ZC3H12B: variants seen among roughly 807,000 people sequenced by gnomAD.
ZC3H12B encodes zinc finger CCCH-type containing 12B, also known as probable ribonuclease ZC3H12B.
Under a neutral mutation model 43.9 loss-of-function variants are expected in ZC3H12B, and 7 were observed. That is an observed-to-expected ratio of 0.16 (90% CI 0.09 to 0.30). The LOEUF (loss-of-function observed/expected upper bound fraction) is 0.30, where lower values mean the gene tolerates loss of function less well. Among genes scored for constraint, ZC3H12B ranks in the 10% least tolerant of loss-of-function variants. The pLI is 1.00. For synonymous variants in ZC3H12B, 222 were observed against 241.7 expected, an observed-to-expected ratio of 0.92 and a Z score of 0.76; for missense variants, 475 against 670.2, an observed-to-expected ratio of 0.71 and a Z score of 3.22.
chrX:65,259,763 C>G, the ZC3H12B span, among the ~76,000 whole-genome samples: 4 of 111,832 alleles, frequency 3.6e-5, no homozygotes, highest in Non-Finnish European at 7.5e-5. Flanking sequence ...GAAAAAGATG[C>G]TTGCACACAC....
the ZC3H12B span, among the ~76,000 whole-genome samples, chrX:65,102,592 A>G: frequency 8.9e-6 from 1 of 111,995 alleles, no homozygotes; most frequent in African/African-American, 3.2e-5. Context: ...TACACTAATA[A>G]TAGACAAACA....
At chrX:65,070,816 GTTTTTTT>G in the ZC3H12B span, among the ~76,000 whole-genome samples, 1 of 56,055 alleles carries the variant, frequency 1.8e-5, no homozygotes, top group Non-Finnish European at 3.4e-5. Context: ...TATGATTTCT[GTTTTTTT>G]TTTTTTTTTT....
chrX:65,409,056 G>T (rs1253813802), intron 3 of ZC3H12B, among the ~76,000 whole-genome samples: 1 of 111,729 alleles, frequency 9.0e-6, no homozygotes, highest in Non-Finnish European at 1.9e-5. Context: ...AATTGCATCT[G>T]TTACTACTTA....
At chrX:65,480,857 A>C (rs1017465175) in intron 3 of ZC3H12B, among the ~76,000 whole-genome samples, 1 of 110,824 alleles carries the variant, frequency 9.0e-6, no homozygotes, top group Non-Finnish European at 1.9e-5. Flanking sequence ...AAAAAAAAAA[A>C]AAAAGAGTAC....
the ZC3H12B span, among the ~76,000 whole-genome samples, chrX:65,265,020 G>A: frequency 1.8e-5 from 2 of 111,665 alleles, no homozygotes; most frequent in East Asian, 2.8e-4. Context: ...ACTAGAATTC[G>A]GGACTGCAGA....
At chrX:65,274,252 G>A in the ZC3H12B span, among the ~76,000 whole-genome samples, 4 of 111,891 alleles carry the variant, frequency 3.6e-5, no homozygotes, top group Non-Finnish European at 7.5e-5. Flanking sequence ...CAGAGTTGCT[G>A]AGAATTCATG....
At chrX:65,228,766 G>A in the ZC3H12B span, among the ~76,000 whole-genome samples, 4 of 111,660 alleles carry the variant, frequency 3.6e-5, no homozygotes, top group East Asian at 8.4e-4. Flanking sequence ...AAAATCATAA[G>A]TGAACTCCCA....
chrX:65,098,225 T>TACACACACACACAC, the ZC3H12B span, among the ~76,000 whole-genome samples: 15 of 96,191 alleles, frequency 1.6e-4, no homozygotes, highest in Middle Eastern at 5.5e-3. Context: ...CATGTCTTAG[T>TACACACACACACAC]ACACACACAC....
chrX:65,227,146 A>G, the ZC3H12B span, among the ~76,000 whole-genome samples: 4 of 111,738 alleles, frequency 3.6e-5, no homozygotes, highest in Non-Finnish European at 7.5e-5. Context: ...AGCTCTCCTC[A>G]GCAAATGTAA....
At chrX:65,279,453 A>G in the ZC3H12B span, among the ~76,000 whole-genome samples, 1 of 111,067 alleles carries the variant, frequency 9.0e-6, no homozygotes, top group Non-Finnish European at 1.9e-5. Context: ...AAAGCTGACA[A>G]AAACAAGCAA....
intron 3 of ZC3H12B, among the ~76,000 whole-genome samples, chrX:65,465,391 G>A (rs1047414038): frequency 9.0e-6 from 1 of 110,974 alleles, no homozygotes. Flanking sequence ...TTCTCAAAGT[G>A]TATTTTATTT....
At chrX:65,382,212 T>A (rs1315013329) in intron 2 of ZC3H12B, among the ~76,000 whole-genome samples, 1 of 110,492 alleles carries the variant, frequency 9.1e-6, no homozygotes, top group Non-Finnish European at 1.9e-5. Flanking sequence ...AATAAAATAC[T>A]GGCAAACCGA....
chrX:65,105,998 TTC>T, the ZC3H12B span, among the ~76,000 whole-genome samples: 1 of 112,084 alleles, frequency 8.9e-6, no homozygotes, highest in Admixed American at 9.5e-5. Flanking sequence ...ATATCCGTTA[TTC>T]TGTTTTATTT....
the ZC3H12B span, among the ~76,000 whole-genome samples, chrX:65,311,402 A>G: frequency 1.8e-5 from 2 of 112,642 alleles, no homozygotes; most frequent in Non-Finnish European, 3.7e-5. Context: ...AATGCTCGTT[A>G]TCACTGGTCA....
chrX:65,255,101 AAG>A, the ZC3H12B span, among the ~76,000 whole-genome samples: 2 of 111,870 alleles, frequency 1.8e-5, no homozygotes, highest in African/African-American at 6.5e-5. Context: ...AACGTCCCTG[AAG>A]AGAGAGAGAG....
chrX:65,233,073 A>G, the ZC3H12B span, among the ~76,000 whole-genome samples: 16 of 112,253 alleles, frequency 1.4e-4, no homozygotes, highest in African/African-American at 5.2e-4. Flanking sequence ...TGTGCCCAAC[A>G]CTGGAGCACA....
At position 65,401,896 on chromosome X, in the gene ZC3H12B, T is replaced by A. The variant is rs746826154; in HGVS notation, n.407+3192T>A. Among the ~76,000 whole-genome samples the A allele has an allele frequency of 6.0e-4, 67 of 112,036 alleles. 1 individual carries two copies. The highest frequency in any genetic ancestry group is 2.1e-3 in the African/African-American group (64 of 30,855). On this transcript the variant is annotated intron_variant and non_coding_transcript_variant, in intron 3 of 5. Coordinates refer to the ZC3H12B transcript ENST00000617377. ...AGTCTTGGCAGCATTTATCACCTGA[T>A]AACTGAAGAGGCCTTGAACCCTGAG... is the stretch of plus-strand genomic sequence containing the variant.
At chrX:65,120,691 T>G in the ZC3H12B span, among the ~76,000 whole-genome samples, 1 of 111,483 alleles carries the variant, frequency 9.0e-6, no homozygotes, top group South Asian at 3.7e-4. Flanking sequence ...CTATGTTGAA[T>G]AGGAGTGGTG....
At chrX:65,110,866 TATCTCTGCATCTATTTAG>T in the ZC3H12B span, among the ~76,000 whole-genome samples, 4 of 111,486 alleles carry the variant, frequency 3.6e-5, no homozygotes, top group African/African-American at 1.3e-4. Context: ...CATGAATTCA[TATCTCTGCATCTATTTAG>T]ATCTCCCCTA....
Sources: gnomAD v4.1 joint callset for allele counts (sites outside exome capture counted in the v4.1 genomes callset) on GRCh38, gnomAD v4.1.1 for gene constraint, MANE v1.5 for transcripts, NCBI Gene and HGNC (gene_info 2026-07-23, HGNC 2026-07-21) for gene names.